Variants in DHX36 observed in about 807,000 individuals in gnomAD.
DHX36 encodes DEAH-box helicase 36, also known as ATP-dependent DNA/RNA helicase DHX36.
In DHX36, 50 loss-of-function variants were observed where a neutral mutation model predicts 139.0. The ratio of observed to expected loss-of-function variants is 0.36; its 90% CI spans 0.29 to 0.46. DHX36 has a LOEUF of 0.46. Ranked by LOEUF, DHX36 falls within the 20% of genes least tolerant of loss-of-function variation. The pLI, the probability that DHX36 is intolerant of heterozygous loss-of-function variation, is 1.00. For synonymous variants in DHX36, 425 were observed against 401.9 expected (o/e 1.06, Z -0.69); for missense variants, 1,024 against 1,211.3 (o/e 0.85, Z 2.29).
intron 12 of DHX36, 42 bp downstream of exon 12, chr3:154,299,796 A>C: frequency 1.4e-6 from 2 of 1,412,612 alleles, no homozygotes; most frequent in Non-Finnish European, 2.0e-6. Flanking sequence ...TATAATTCAA[A>C]TACCACTCTT....
rs1260448283 is a variant in DHX36 at position 154,280,877 on chromosome 3, T to C, written c.2377-15A>G. 1 of 1,595,702 alleles carries C rather than the reference T, an allele frequency of 6.3e-7. No homozygotes were observed. Among genetic ancestry groups the C allele is most frequent in the East Asian group, 2.2e-5 (1 of 44,740 alleles). On this transcript the variant is annotated splice_polypyrimidine_tract_variant and intron_variant, in intron 20 of 24. Coordinates refer to ENST00000496811, the MANE Select transcript of DHX36 (RefSeq NM_020865.3). ...TTATGCAGCATCTAGGGAGCAATGG[T>C]AACAAATAGAACTAGAATACCTTTC...
intron 15 of DHX36, among the ~76,000 whole-genome samples, chr3:154,290,861 G>A (rs937155384): frequency 2.0e-4 from 30 of 150,892 alleles, no homozygotes; most frequent in South Asian, 4.2e-4. Context: ...GAGGCCGGGC[G>A]CGGTGGCTCA....
chr3:154,315,659 C>T (rs1712951632), intron 2 of DHX36, among the ~76,000 whole-genome samples: 1 of 152,068 alleles, frequency 6.6e-6, no homozygotes, highest in African/African-American at 2.4e-5. Context: ...CTACAATACA[C>T]AGTCTTTGAA....
At chr3:154,284,352 T>G (rs1246267615) in intron 19 of DHX36, among the ~76,000 whole-genome samples, 1 of 152,078 alleles carries the variant, frequency 6.6e-6, no homozygotes, top group Admixed American at 6.6e-5. Context: ...AGCTAATTTT[T>G]GTATTTGTAG....
Position 154,301,000 on chromosome 3 carries a change from C to T in DHX36, c.1345G>A (p.Glu449Lys), listed in dbSNP as rs1712251807. Residue 449 changes from glutamate to lysine, a missense_variant, in exon 10 of 25, where the codon GAA becomes AAA. By Grantham distance (56) the Glu-to-Lys change is moderately conservative (BLOSUM62 1). Coordinates refer to ENST00000496811, the MANE Select transcript of DHX36 (RefSeq NM_020865.3). The stretch of plus-strand genomic sequence containing the variant: ...AAATAAACTTACCTTCTTCGCAGTT[C>T]CCTTACATAATCTGGCCAACGTTCT... ...YKERWPDYVR[E>K]LRRRYSASTV... The T allele has an allele frequency of 6.2e-7, 1 of 1,611,068 alleles. No homozygotes were observed. The highest frequency in any genetic ancestry group is 8.5e-7 in the Non-Finnish European group (1 of 1,179,444).
rs763094146 is a variant in DHX36 at position 154,305,117 on chromosome 3, G to A, written c.945C>T (p.Ile315=). The change falls in exon 7 of 25, where the codon ATC becomes ATT. Residue 315 remains isoleucine (I), a synonymous_variant. Coordinates refer to ENST00000496811, the MANE Select transcript of DHX36 (RefSeq NM_020865.3). ...ACGGGTCTGACTGGAGCCACTGAAG[G>A]ATGATTCCTGTTGTACAGTATAAGA... ...GSILYCTTGI[I]LQWLQSDPYL... 2.5e-6 allele frequency: 4 copies of A among 1,613,686 alleles called. No individual in the cohort carries two copies. The highest frequency in any genetic ancestry group is 2.5e-6 in the Non-Finnish European group (3 of 1,179,862).
At chr3:154,309,123 G>A (rs758236766) in intron 5 of DHX36, among the ~76,000 whole-genome samples, 18 of 152,040 alleles carry the variant, frequency 1.2e-4, no homozygotes, top group Non-Finnish European at 2.4e-4. Context: ...TAGAGGTTGA[G>A]GCTGCACTGA....
At chr3:154,297,466 A>T (rs1034699564) in intron 12 of DHX36, among the ~76,000 whole-genome samples, 1 of 152,220 alleles carries the variant, frequency 6.6e-6, no homozygotes, top group Non-Finnish European at 1.5e-5. Context: ...CAATCCCAGC[A>T]CTTTGAGAGG....
At chr3:154,289,359 T>C (rs1243061825) in intron 16 of DHX36, among the ~76,000 whole-genome samples, 3 of 152,232 alleles carry the variant, frequency 2.0e-5, no homozygotes, top group Non-Finnish European at 4.4e-5. Flanking sequence ...CATGTTAACA[T>C]GTAATAACAG....
intron 1 of DHX36, chr3:154,319,411 T>C (rs1281735987): frequency 6.6e-6 from 1 of 152,304 alleles, no homozygotes; most frequent in Middle Eastern, 3.4e-3. Flanking sequence ...ACCCTTTTGT[T>C]TGCCCTCAGC....
intron 4 of DHX36, among the ~76,000 whole-genome samples, chr3:154,310,800 A>T (rs1712709343): frequency 6.6e-5 from 3 of 45,422 alleles, no homozygotes; most frequent in African/African-American, 2.8e-4. Flanking sequence ...AAAAAAAAAA[A>T]AAAAAAATAT....
intron 3 of DHX36, among the ~76,000 whole-genome samples, chr3:154,314,120 G>C (rs1383388414): frequency 6.6e-6 from 1 of 152,156 alleles, no homozygotes; most frequent in Non-Finnish European, 1.5e-5. Flanking sequence ...TGTTAAGGCT[G>C]TTAAAGCAGC....
chr3:154,273,733 C>T lies in DHX36; in HGVS notation c.*2438G>A, dbSNP rs949353888. The T allele has an allele frequency of 5.9e-5, 9 of 152,174 alleles. No individual in the cohort carries two copies. The highest frequency in any genetic ancestry group is 2.2e-4 in the African/African-American group (9 of 41,442). The allele number at this position is 152,174 out of a possible 1,614,324, so 9.4% of individuals were successfully genotyped here. On this transcript the variant is annotated 3_prime_UTR_variant, in exon 25 of 25. Transcript: ENST00000496811. ...ATTGGGAGCAGTACCTGAACAAGTG[C>T]TGTTAATGGATCACTGTAGCATTAT...
At chr3:154,317,309 GTAA>G (rs988194165) in intron 1 of DHX36, among the ~76,000 whole-genome samples, 13 of 152,046 alleles carry the variant, frequency 8.6e-5, no homozygotes, top group African/African-American at 3.1e-4. Flanking sequence ...TTCCCGACTT[GTAA>G]TAATGACTAG....
At chr3:154,315,317 T>C (rs1193565515) in intron 2 of DHX36, 37 bp from the exon 3 acceptor site, 1 of 1,481,856 alleles carries the variant, frequency 6.7e-7, no homozygotes, top group Non-Finnish European at 9.3e-7. Flanking sequence ...AAAGGTCAGA[T>C]GAGCCACTCA....
At chr3:154,281,258 C>A (rs935101186) in intron 20 of DHX36, among the ~76,000 whole-genome samples, 35 of 151,976 alleles carry the variant, frequency 2.3e-4, no homozygotes, top group African/African-American at 8.5e-4. Context: ...TACTTTCCAC[C>A]CCCATTTTTT....
chr3:154,301,257 A>G (rs527341496), intron 9 of DHX36, 130 bp from the exon 10 acceptor site: 3 of 858,404 alleles, frequency 3.5e-6, no homozygotes, highest in East Asian at 5.5e-5. Flanking sequence ...TTTCAAGTGA[A>G]TGCTAGCTAA....
chr3:154,324,352 T>C lies in DHX36; in HGVS notation c.65A>G (p.Tyr22Cys), dbSNP rs533475988. The C allele has an allele frequency of 1.9e-6, 3 of 1,599,308 alleles. No individual in the cohort carries two copies. The highest frequency in any genetic ancestry group is 1.3e-5 in the African/African-American group (1 of 74,138). ...ATGACCCCCTGCTGGCCCCCCTCCA[T>C]AGCCCCCACCGGAGCTGCGGGGACC... ...DGGPRSSGGG[Y>C]GGGPAGGHGG... Residue 22 changes from tyrosine (Y) to cysteine (C), a missense_variant, in exon 1 of 25, where the codon TAT becomes TGT. Tyr to Cys is a radical substitution (Grantham distance 194, BLOSUM62 -2). Transcript: ENST00000496811.
At chr3:154,301,677 G>T (rs1337893233) in intron 9 of DHX36, among the ~76,000 whole-genome samples, 1 of 152,142 alleles carries the variant, frequency 6.6e-6, no homozygotes, top group African/African-American at 2.4e-5. Context: ...GTTAATGGCA[G>T]ATCCAGAATC....
Sources: allele counts gnomAD v4.1 joint callset (sites outside exome capture counted in the v4.1 genomes callset), GRCh38; gene constraint gnomAD v4.1.1; transcripts MANE v1.5; gene names NCBI Gene and HGNC (gene_info 2026-07-23, HGNC 2026-07-21).